The following SIPA1L1 variants were observed in gnomAD, a reference collection of about 807,000 sequenced individuals.
The protein encoded by SIPA1L1 is signal-induced proliferation-associated 1-like protein 1.
A neutral mutation model predicts 162.7 loss-of-function variants in SIPA1L1; 26 were observed. The observed-to-expected ratio is 0.16, with a 90% CI of 0.12 to 0.22. The LOEUF (loss-of-function observed/expected upper bound fraction) is 0.22, where lower values mean the gene tolerates loss of function less well. Ranked by LOEUF, SIPA1L1 falls within the 10% of genes least tolerant of loss-of-function variation. The pLI is 1.00. For synonymous variants in SIPA1L1, 829 were observed against 837.4 expected, an observed-to-expected ratio of 0.99 and a Z score of 0.17; for missense variants, 1,874 against 2,241.0, an observed-to-expected ratio of 0.84 and a Z score of 3.31.
rs765106790 is a variant in SIPA1L1, at chr14:71,446,894, G to GTTTTTT, written c.-464-65843_-464-65838dup. Among the ~76,000 whole-genome samples the GTTTTTT allele has an allele frequency of 2.4e-3, 212 of 87,388 alleles. 19 individuals are homozygous for GTTTTTT. Among genetic ancestry groups the GTTTTTT allele is most frequent in the East Asian group, 0.011 (26 of 2,446 alleles). The allele number at this position is 87,388 out of a possible 152,430, so 57.3% of individuals were successfully genotyped here. ...CTGCAAATAAAGAGAGATGGGCTCTGTTTTTTTTTTTGTTTTTTTTTTTTT... is the reference window on the plus strand; with the variant it reads ...CTGCAAATAAAGAGAGATGGGCTCTGTTTTTTTTTTTTTTTTTGTTTTTTTTTTTTT... On this transcript the variant is annotated intron_variant, in intron 2 of 23. Coordinates refer to ENST00000381232, the MANE Select transcript of SIPA1L1 (RefSeq NM_001386936.1).
intron 2 of SIPA1L1, among the ~76,000 whole-genome samples, chr14:71,458,554 C>T (rs1271003106): frequency 6.6e-6 from 1 of 151,970 alleles, no homozygotes; most frequent in African/African-American, 2.4e-5. Context: ...CTTTGGTGTG[C>T]ATATATTTTA....
intron 16 of SIPA1L1, among the ~76,000 whole-genome samples, chr14:71,708,247 C>G (rs1384723398): frequency 1.3e-5 from 2 of 150,358 alleles, no homozygotes; most frequent in African/African-American, 4.9e-5. Context: ...ATAGTTTTAG[C>G]TTTTACATTT....
rs769128265 is a variant in SIPA1L1 at position 71,382,460 on chromosome 14, A to G, written c.-465+61279A>G. ...ACAGAAAGATAACAAAAGCCTAAAC[A>G]AATTTACATTAGAACTTGTTCAGAG... On this transcript the variant is annotated intron_variant, in intron 2 of 23. Coordinates refer to ENST00000381232, the MANE Select transcript of SIPA1L1 (RefSeq NM_001386936.1). 2.6e-5 allele frequency among the ~76,000 whole-genome samples: 4 copies of G among 152,250 alleles called. No individual in the cohort carries two copies. The South Asian group carries it at 6.2e-4, about 24-fold the overall frequency.
intron 13 of SIPA1L1, among the ~76,000 whole-genome samples, chr14:71,690,844 G>A (rs999777203): frequency 1.3e-5 from 2 of 152,080 alleles, no homozygotes; most frequent in African/African-American, 4.8e-5. Context: ...GTTTTGCCTT[G>A]GTCTCTTTTT....
chr14:71,331,691 T>C (rs558412620), intron 2 of SIPA1L1, among the ~76,000 whole-genome samples: 1 of 152,208 alleles, frequency 6.6e-6, no homozygotes, highest in African/African-American at 2.4e-5. Context: ...GAACTGTCAC[T>C]TGTGGTAATT....
At chr14:71,430,345 A>G (rs975476666) in intron 2 of SIPA1L1, among the ~76,000 whole-genome samples, 41 of 152,298 alleles carry the variant, frequency 2.7e-4, no homozygotes, top group African/African-American at 9.9e-4. Flanking sequence ...TATTTTATCA[A>G]TAAATTATTT....
In SIPA1L1 at chr14:71,377,201, C is replaced by T. The variant is rs1338056619; in HGVS notation, c.-465+56020C>T. ...TGGGGCGGCGGCCGGGTGGGGGCGCCCCCCCACCTCCCAGATGGGGTGGCG... is the reference window on the plus strand; with the variant it reads ...TGGGGCGGCGGCCGGGTGGGGGCGCTCCCCCACCTCCCAGATGGGGTGGCG... On this transcript the variant is annotated intron_variant, in intron 2 of 23. Coordinates refer to ENST00000381232, the MANE Select transcript of SIPA1L1 (RefSeq NM_001386936.1). The surrounding 1 kb of genome is among the most constrained non-coding windows in gnomAD (Gnocchi z 4.8). Among the ~76,000 whole-genome samples the T allele has an allele frequency of 6.8e-6, 1 of 146,976 alleles. No individual in the cohort carries two copies. Among genetic ancestry groups the T allele is most frequent in the Non-Finnish European group, 1.5e-5 (1 of 66,192 alleles).
At chr14:71,737,370 G>A (rs1180292567) in intron 22 of SIPA1L1, among the ~76,000 whole-genome samples, 1 of 152,228 alleles carries the variant, frequency 6.6e-6, no homozygotes, top group East Asian at 1.9e-4. Flanking sequence ...ATGTTTTCCC[G>A]ATGGAAGACT....
intron 2 of SIPA1L1, among the ~76,000 whole-genome samples, chr14:71,490,639 C>T (rs969214131): frequency 6.6e-6 from 1 of 152,170 alleles, no homozygotes; most frequent in African/African-American, 2.4e-5. Context: ...GATGTGTGAA[C>T]ATCTCCAAGA....
chr14:71,622,126 GAAAA>G (rs2039509927), intron 6 of SIPA1L1, among the ~76,000 whole-genome samples: 1 of 152,004 alleles, frequency 6.6e-6, no homozygotes, highest in Non-Finnish European at 1.5e-5. Flanking sequence ...ATGCAGATAA[GAAAA>G]AAGAAAACAT....
At chr14:71,380,328 A>G (rs1053762941) in intron 2 of SIPA1L1, among the ~76,000 whole-genome samples, 1 of 152,184 alleles carries the variant, frequency 6.6e-6, no homozygotes, top group African/African-American at 2.4e-5. Context: ...ATGCTTTGTA[A>G]AATGACGCTC....
At chr14:71,531,840 T>G (rs1287692100) in intron 4 of SIPA1L1, among the ~76,000 whole-genome samples, 1 of 152,164 alleles carries the variant, frequency 6.6e-6, no homozygotes, top group Non-Finnish European at 1.5e-5. Context: ...AATTTTGCAT[T>G]CAAAAAACTA....
intron 10 of SIPA1L1, among the ~76,000 whole-genome samples, chr14:71,666,745 C>T (rs755375184): frequency 4.6e-5 from 7 of 151,600 alleles, no homozygotes; most frequent in Admixed American, 6.6e-5. Flanking sequence ...AATTGTTAAA[C>T]AGTGCAGTGG....
intron 2 of SIPA1L1, among the ~76,000 whole-genome samples, chr14:71,488,360 G>A (rs541022499): frequency 2.0e-5 from 3 of 152,248 alleles, no homozygotes; most frequent in African/African-American, 7.2e-5. Flanking sequence ...TTTCAGAGGT[G>A]TATTTGTTTT....
intron 2 of SIPA1L1, among the ~76,000 whole-genome samples, chr14:71,491,387 C>G (rs1218927996): frequency 6.6e-6 from 1 of 152,124 alleles, no homozygotes. Flanking sequence ...GACAGTATAT[C>G]TCCAAACTGA....
intron 10 of SIPA1L1, among the ~76,000 whole-genome samples, chr14:71,665,848 GTAAT>G (rs150454828): frequency 1.4e-3 from 209 of 152,238 alleles, no homozygotes; most frequent in Non-Finnish European, 2.5e-3. Context: ...TATATTAACA[GTAAT>G]TAATAAAATA....
chr14:71,466,577 A>C (rs1182281492), intron 2 of SIPA1L1, among the ~76,000 whole-genome samples: 1 of 145,886 alleles, frequency 6.9e-6, no homozygotes, highest in Admixed American at 6.8e-5. Flanking sequence ...ATAGAGCCAT[A>C]CTGAAAAAAA....
At chr14:71,556,037 G>A (rs1361556358) in intron 4 of SIPA1L1, among the ~76,000 whole-genome samples, 3 of 152,146 alleles carry the variant, frequency 2.0e-5, no homozygotes, top group African/African-American at 7.2e-5. Flanking sequence ...CAGGAAGTGA[G>A]CACATGCTGT....
chr14:71,626,132 A>G (rs764599816), intron 7 of SIPA1L1, among the ~76,000 whole-genome samples: 1 of 152,236 alleles, frequency 6.6e-6, no homozygotes, highest in Non-Finnish European at 1.5e-5. Context: ...CCCTTCCTTC[A>G]TAAATTATTA....
Sources: gnomAD v4.1 joint callset for allele counts (sites outside exome capture counted in the v4.1 genomes callset) on GRCh38, gnomAD v4.1.1 for gene constraint, Gnocchi (gnomAD v3.1) non-coding constraint, MANE v1.5 for transcripts, NCBI Gene and HGNC (gene_info 2026-07-23, HGNC 2026-07-21) for gene names.